SEPTIN10: variants seen among roughly 807,000 people sequenced by gnomAD.
SEPTIN10 encodes septin 10, also known as septin-10.
Under a neutral mutation model 54.8 loss-of-function variants are expected in SEPTIN10, and 66 were observed. The observed-to-expected ratio is 1.21, with a 90% CI of 0.99 to 1.48. The LOEUF (loss-of-function observed/expected upper bound fraction) is 1.48, where lower values mean the gene tolerates loss of function less well. Among genes scored for constraint, SEPTIN10 ranks in the 40% most tolerant of loss-of-function variants. The probability of loss-of-function intolerance (pLI) is 0.00; values close to 1 mark genes in which losing one functional copy is unlikely to be tolerated. For synonymous variants in SEPTIN10, 161 were observed against 181.0 expected, an observed-to-expected ratio of 0.89 and a Z score of 0.89; for missense variants, 620 against 545.6, an observed-to-expected ratio of 1.14 and a Z score of -1.36.
In SEPTIN10 at chr2:109,553,035, T is replaced by A. The variant is rs577252449; in HGVS notation, c.1161+52A>T. 2.7e-5 allele frequency: 43 copies of A among 1,582,052 alleles called. No individual in the cohort carries two copies. The African/African-American group carries it at 3.4e-4, about 12-fold the overall frequency. On this transcript the variant is annotated intron_variant, in intron 9 of 10. Transcript: ENST00000397712. ...AATTCTTGGAATAAATCCTCCAAAT[T>A]AATAGGACATCTAAAAAATAAATGC...
rs560454117 is a variant in SEPTIN10, at chr2:109,545,258, T to C, written c.1349+792A>G. 3.1e-5 allele frequency: 43 copies of C among 1,379,794 alleles called. No homozygotes were observed. The African/African-American group carries it at 4.4e-4, about 14-fold the overall frequency. 85.5% of individuals were successfully genotyped at this position (1,379,794 alleles called of 1,614,324 possible). ...ATGATGAATTTCCTCAAGAGCCAAA[T>C]AGTTAAACCGACAGGGATACTTAAG... On this transcript the variant is annotated intron_variant, in intron 10 of 10. Transcript: ENST00000397712.
At chr2:109,557,573 G>C (rs1333676367) in intron 8 of SEPTIN10, among the ~76,000 whole-genome samples, 1 of 152,224 alleles carries the variant, frequency 6.6e-6, no homozygotes, top group Non-Finnish European at 1.5e-5. Context: ...GCAGGAGAAA[G>C]TAATGGACTG....
chr2:109,557,027 G>A (rs755417851), intron 8 of SEPTIN10, among the ~76,000 whole-genome samples: 15 of 152,104 alleles, frequency 9.9e-5, no homozygotes, highest in Non-Finnish European at 1.8e-4. Flanking sequence ...GTTGTGGGGT[G>A]GGGAGAGGCG....
intron 1 of SEPTIN10, among the ~76,000 whole-genome samples, chr2:109,611,503 T>C: frequency 6.6e-6 from 1 of 150,622 alleles, no homozygotes; most frequent in South Asian, 2.1e-4. Flanking sequence ...AACTAGAAAA[T>C]AGGCAACATG....
chr2:109,554,610 A>AT (rs1321778324), intron 8 of SEPTIN10, among the ~76,000 whole-genome samples: 1 of 152,202 alleles, frequency 6.6e-6, no homozygotes, highest in Non-Finnish European at 1.5e-5. Context: ...AAACCTGTAG[A>AT]TACAGGGAGA....
At chr2:109,549,171 A>G (rs1254024521) in intron 9 of SEPTIN10, among the ~76,000 whole-genome samples, 1 of 152,222 alleles carries the variant, frequency 6.6e-6, no homozygotes, top group African/African-American at 2.4e-5. Flanking sequence ...AAAGAGTGGC[A>G]GTTCTCTGCA....
intron 1 of SEPTIN10, among the ~76,000 whole-genome samples, chr2:109,595,787 T>C (rs1425606644): frequency 6.6e-6 from 1 of 152,162 alleles, no homozygotes; most frequent in Non-Finnish European, 1.5e-5. Flanking sequence ...AAATGTCCAT[T>C]TAGAGTCTGA....
At chr2:109,562,522 T>C (rs538500480) in intron 8 of SEPTIN10, among the ~76,000 whole-genome samples, 68 of 150,220 alleles carry the variant, frequency 4.5e-4, no homozygotes, top group African/African-American at 1.6e-3. Context: ...AACTATTTGC[T>C]GAATGACTAA....
chr2:109,606,783 G>A (rs964403222), intron 1 of SEPTIN10, among the ~76,000 whole-genome samples: 3 of 139,622 alleles, frequency 2.1e-5, no homozygotes, highest in Non-Finnish European at 3.0e-5. Context: ...AGGTTCAAGC[G>A]ATTCTCCTGC....
At chr2:109,552,340 A>G (rs985930150) in intron 9 of SEPTIN10, among the ~76,000 whole-genome samples, 4 of 152,214 alleles carry the variant, frequency 2.6e-5, no homozygotes, top group African/African-American at 7.2e-5. Context: ...CTTCACAGAT[A>G]TCCATTTCAG....
In SEPTIN10 at chr2:109,546,173, T is replaced by C. The variant is rs755009380; in HGVS notation, c.1226A>G (p.Lys409Arg). ...HQEERMKLEE[K>R]RRLLEEEIIA... The stretch of plus-strand genomic sequence containing the variant: ...TATTTCTTCTTCCAAAAGTCTTCTC[T>C]TTTCTTCAAGCTTCATTCTCTCTTC... The change falls in exon 10 of 11, where the codon AAG becomes AGG. Residue 409 changes from lysine to arginine, a missense_variant. Transcript: ENST00000397712. 1 of 1,609,578 alleles carries C rather than the reference T, an allele frequency of 6.2e-7. No individual in the cohort carries two copies. Among genetic ancestry groups the C allele is most frequent in the Non-Finnish European group, 8.5e-7 (1 of 1,178,352 alleles).
chr2:109,599,739 G>C (rs1051131055), intron 1 of SEPTIN10, among the ~76,000 whole-genome samples: 1 of 152,086 alleles, frequency 6.6e-6, no homozygotes, highest in African/African-American at 2.4e-5. Flanking sequence ...TCATATAAAA[G>C]AGTTAAGAGT....
intron 4 of SEPTIN10, among the ~76,000 whole-genome samples, chr2:109,581,347 G>T (rs976797999): frequency 4.0e-5 from 6 of 151,822 alleles, no homozygotes; most frequent in Non-Finnish European, 5.9e-5. Context: ...TGAGGCTTGA[G>T]AATCACCTGA....
chr2:109,557,096 A>G (rs989347336), intron 8 of SEPTIN10, among the ~76,000 whole-genome samples: 1 of 152,108 alleles, frequency 6.6e-6, no homozygotes. Flanking sequence ...GGTGCAGCAC[A>G]CCAACATGGC....
Position 109,543,153 on chromosome 2 carries a change from G to C in SEPTIN10, c.*1156C>G, listed in dbSNP as rs1680378691. On this transcript the variant is annotated 3_prime_UTR_variant, in exon 11 of 11. Transcript: ENST00000397712. ...TGAATGCAAATACCACCTGAAATAT[G>C]AATTATGTGCATTTTTATATCTTTA... 1.3e-5 allele frequency: 2 copies of C among 152,558 alleles called. No individual in the cohort carries two copies. The highest frequency in any genetic ancestry group is 1.9e-4 in the East Asian group (1 of 5,194). The allele number at this position is 152,558 out of a possible 1,614,324, so 9.5% of individuals were successfully genotyped here.
chr2:109,552,855 A>AT, intron 9 of SEPTIN10: 3 of 441,762 alleles, frequency 6.8e-6, no homozygotes, highest in Non-Finnish European at 1.2e-5. Flanking sequence ...AAGAATTTCA[A>AT]CGATTAGTGA....
intron 5 of SEPTIN10, among the ~76,000 whole-genome samples, 177 bp downstream of exon 5, chr2:109,574,404 C>A (rs544694926): frequency 7.8e-6 from 1 of 128,320 alleles, no homozygotes; most frequent in East Asian, 2.3e-4. Context: ...CACGATCTCA[C>A]AACTACCTCC....
At chr2:109,564,257 T>C in intron 8 of SEPTIN10, 109 bp downstream of exon 8, 1 of 993,888 alleles carries the variant, frequency 1.0e-6, no homozygotes, top group Non-Finnish European at 1.4e-6. Flanking sequence ...TTCTATATCA[T>C]GGTTTTGGGA....
Position 109,567,864 on chromosome 2 carries a change from T to G in SEPTIN10, c.713A>C (p.Gln238Pro), listed in dbSNP as rs769153510. 2.5e-6 allele frequency: 4 copies of G among 1,613,298 alleles called. No homozygotes were observed. The highest frequency in any genetic ancestry group is 3.4e-6 in the Non-Finnish European group (4 of 1,179,746). Residue 238 changes from glutamine to proline, a missense_variant, in exon 6 of 11, where the codon CAG (glutamine) becomes CCG (proline). Coordinates refer to ENST00000397712, the MANE Select transcript of SEPTIN10 (RefSeq NM_144710.5). ...AATAGTGTCATCATCCGTTGGGAAC[T>G]GGTATATCTGGACGCCATTGCTGAC... is the stretch of plus-strand genomic sequence containing the variant. ...ELVSNGVQIYQFPTDDDTIAK... is the reference protein window; with the variant it reads ...ELVSNGVQIYPFPTDDDTIAK...
Sources: allele counts gnomAD v4.1 joint callset (sites outside exome capture counted in the v4.1 genomes callset), GRCh38; gene constraint gnomAD v4.1.1; transcripts MANE v1.5; gene names NCBI Gene and HGNC (gene_info 2026-07-23, HGNC 2026-07-21).